PDE1A: variants seen among roughly 807,000 people sequenced by gnomAD.
The protein encoded by PDE1A is phosphodiesterase 1A.
A neutral mutation model predicts 61.7 loss-of-function variants in PDE1A; 35 were observed. The ratio of observed to expected loss-of-function variants is 0.57; its 90% CI spans 0.43 to 0.75. The LOEUF is 0.75. Ranked by LOEUF, PDE1A falls within the 30% of genes least tolerant of loss-of-function variation. The pLI is 0.00. For synonymous variants in PDE1A, 232 were observed against 213.2 expected, an observed-to-expected ratio of 1.09 and a Z score of -0.77; for missense variants, 597 against 630.6, an observed-to-expected ratio of 0.95 and a Z score of 0.57.
At chr2:182,380,949 G>C (rs1449140731) in intron 1 of PDE1A, among the ~76,000 whole-genome samples, 19 of 152,210 alleles carry the variant, frequency 1.2e-4, no homozygotes, top group Admixed American at 1.2e-3. Context: ...GCATACTGTA[G>C]TGTGTCTGGG....
At chr2:182,335,016 C>G (rs1386940025) in intron 1 of PDE1A, among the ~76,000 whole-genome samples, 1 of 152,076 alleles carries the variant, frequency 6.6e-6, no homozygotes, top group Non-Finnish European at 1.5e-5. Context: ...TGAGTGAACC[C>G]CCATTTACAA....
chr2:182,211,791 A>T (rs1687623205), intron 7 of PDE1A, among the ~76,000 whole-genome samples: 1 of 152,180 alleles, frequency 6.6e-6, no homozygotes, highest in South Asian at 2.1e-4. Context: ...TTCCAATTTC[A>T]AATTACATTT....
At chr2:182,492,747 T>C (rs1372623312) in intron 2 of PDE1A, among the ~76,000 whole-genome samples, 3 of 152,342 alleles carry the variant, frequency 2.0e-5, no homozygotes, top group Non-Finnish European at 2.9e-5. Context: ...TTGTGAACAA[T>C]AAACTTTTGT....
intron 1 of PDE1A, among the ~76,000 whole-genome samples, chr2:182,281,623 G>A (rs1280866023): frequency 6.6e-6 from 1 of 151,942 alleles, no homozygotes; most frequent in South Asian, 2.1e-4. Flanking sequence ...TATTCAACAC[G>A]TGCTTTTACA....
chr2:182,634,586 T>C, the PDE1A span, among the ~76,000 whole-genome samples: 18,900 of 152,204 alleles, frequency 0.12, 1,595 homozygotes, highest in African/African-American at 0.23. Context: ...TTTTCTGAGA[T>C]GCTAAGGATT....
the PDE1A span, among the ~76,000 whole-genome samples, chr2:182,640,849 G>T: frequency 6.6e-6 from 1 of 151,694 alleles, no homozygotes; most frequent in Non-Finnish European, 1.5e-5. Context: ...GTAAAACCTC[G>T]TTTCTACTAA....
chr2:182,639,834 T>C, the PDE1A span, among the ~76,000 whole-genome samples: 1 of 149,806 alleles, frequency 6.7e-6, no homozygotes, highest in African/African-American at 2.4e-5. Context: ...ATATCAATCA[T>C]AAAACAGCTC....
rs138730084 is a variant in PDE1A at position 182,270,678 on chromosome 2, C to A, written c.54-6264G>T. On this transcript the variant is annotated intron_variant, in intron 1 of 13. Coordinates refer to ENST00000351439, the Ensembl canonical transcript of PDE1A. ...AGGATATGGTTGTAAGAAATCCATA[C>A]TAAGAATCAGAAGAGCTAAAGTTAA... 3.1e-3 allele frequency among the ~76,000 whole-genome samples: 474 copies of A among 150,998 alleles called. 4 individuals are homozygous for A. The highest frequency in any genetic ancestry group is 0.011 in the African/African-American group (462 of 41,402).
chr2:182,443,773 G>C (rs1302428833), intron 2 of PDE1A, among the ~76,000 whole-genome samples: 3 of 135,768 alleles, frequency 2.2e-5, no homozygotes, highest in Non-Finnish European at 4.6e-5. Context: ...GTGTGATCTT[G>C]GCTCACTGCA....
chr2:182,530,477 T>C, the PDE1A span, among the ~76,000 whole-genome samples: 4 of 152,082 alleles, frequency 2.6e-5, no homozygotes, highest in African/African-American at 4.8e-5. Flanking sequence ...TCAAGACATA[T>C]TGTAGTGAAG....
intron 1 of PDE1A, among the ~76,000 whole-genome samples, chr2:182,402,262 T>C (rs1193007106): frequency 6.6e-6 from 1 of 152,190 alleles, no homozygotes; most frequent in African/African-American, 2.4e-5. Flanking sequence ...TTATGCTACC[T>C]GACTTCAAAC....
At chr2:182,461,939 C>T (rs1207615157) in intron 2 of PDE1A, among the ~76,000 whole-genome samples, 1 of 152,110 alleles carries the variant, frequency 6.6e-6, no homozygotes, top group Non-Finnish European at 1.5e-5. Context: ...AAAAATTTCT[C>T]TTGTGTCTTA....
At chr2:182,349,529 C>T (rs1170488349) in intron 1 of PDE1A, among the ~76,000 whole-genome samples, 4 of 152,164 alleles carry the variant, frequency 2.6e-5, no homozygotes, top group Admixed American at 6.5e-5. Context: ...CTGAAAGGCA[C>T]GTGAAATTTC....
the PDE1A span, among the ~76,000 whole-genome samples, chr2:182,541,347 T>C: frequency 1.3e-5 from 2 of 152,232 alleles, no homozygotes; most frequent in African/African-American, 4.8e-5. Context: ...AGTTTCTTCA[T>C]CTATAAATAA....
At chr2:182,144,950 T>C (rs1690415292), downstream of PDE1A, among the ~76,000 whole-genome samples, 2 of 152,104 alleles carry the variant, frequency 1.3e-5, no homozygotes, top group Non-Finnish European at 2.9e-5. Context: ...TCAGATTGGG[T>C]GTGCTGTGTC....
chr2:182,508,485 A>C (rs1449877049), intron 2 of PDE1A, among the ~76,000 whole-genome samples: 1 of 151,806 alleles, frequency 6.6e-6, no homozygotes, highest in Non-Finnish European at 1.5e-5. Context: ...AGGTCGGAAA[A>C]ACTGGCATGT....
At chr2:182,430,964 G>A (rs1250531350), upstream of PDE1A, among the ~76,000 whole-genome samples, 4 of 127,754 alleles carry the variant, frequency 3.1e-5, no homozygotes, top group South Asian at 3.3e-4. Flanking sequence ...TGGTGGGGTC[G>A]GGGAGGGGGG....
chr2:182,635,972 T>C, the PDE1A span, among the ~76,000 whole-genome samples: 10 of 123,512 alleles, frequency 8.1e-5, no homozygotes, highest in Non-Finnish European at 1.6e-4. Context: ...TTTTTTTTTT[T>C]TGAGACAGAG....
chr2:182,347,918 A>T (rs968803540), intron 1 of PDE1A, among the ~76,000 whole-genome samples: 2 of 152,132 alleles, frequency 1.3e-5, no homozygotes, highest in African/African-American at 2.4e-5. Flanking sequence ...AAAAGAAAAA[A>T]ATAGAATGGT....
Sources: allele counts gnomAD v4.1 joint callset (sites outside exome capture counted in the v4.1 genomes callset), GRCh38; gene constraint gnomAD v4.1.1; transcripts MANE v1.5; gene names NCBI Gene and HGNC (gene_info 2026-07-23, HGNC 2026-07-21).